THBS4: variants seen among roughly 807,000 people sequenced by gnomAD.
THBS4 encodes thrombospondin 4, also known as thrombospondin-4.
THBS4 carries 90 observed loss-of-function variants against 115.7 expected under a neutral mutation model. The observed-to-expected ratio is 0.78, with a 90% CI of 0.66 to 0.93. THBS4 has a LOEUF of 0.93. THBS4 is among the 40% of genes least tolerant of loss of function. The pLI, the probability that THBS4 is intolerant of heterozygous loss-of-function variation, is 0.00. For missense variants in THBS4, 1,087 were observed against 1,232.7 expected (o/e 0.88, Z 1.77); for synonymous variants, 460 against 479.3 (o/e 0.96, Z 0.53).
intron 3 of THBS4, among the ~76,000 whole-genome samples, chr5:80,056,440 G>T (rs956506108): frequency 1.3e-5 from 2 of 152,132 alleles, no homozygotes; most frequent in African/African-American, 4.8e-5. Context: ...AAATAAAAAA[G>T]AATGATTAGA....
intron 1 of THBS4, among the ~76,000 whole-genome samples, chr5:80,038,499 G>C (rs1561302824): frequency 1.3e-5 from 2 of 152,016 alleles, no homozygotes; most frequent in African/African-American, 4.8e-5. Flanking sequence ...TTAATTTATT[G>C]AACAAGTGCA....
chr5:80,049,835 T>A (rs1370123481), intron 2 of THBS4, among the ~76,000 whole-genome samples: 4 of 152,138 alleles, frequency 2.6e-5, no homozygotes, highest in Admixed American at 6.5e-5. Flanking sequence ...GAGGAGGCAA[T>A]AACGATCAGA....
rs1221793926 is a variant in THBS4, at chr5:80,070,418, G to T, written c.1452+8G>T. 2 of 1,613,374 alleles carry T rather than the reference G, an allele frequency of 1.2e-6. No homozygotes were observed. The highest frequency in any genetic ancestry group is 1.3e-5 in the African/African-American group (1 of 74,928). ...GCCAGGAACTGTAAAAAGGTAAGGG[G>T]TGTGGGGTGGCAGTAGGCACACATG... On this transcript the variant is annotated splice_region_variant and intron_variant, in intron 11 of 21. Coordinates refer to ENST00000350881, the MANE Select transcript of THBS4 (RefSeq NM_003248.6).
chr5:80,012,902 G>T (rs985245557), intron 2 of THBS4, among the ~76,000 whole-genome samples: 2 of 152,174 alleles, frequency 1.3e-5, no homozygotes, highest in African/African-American at 4.8e-5. Flanking sequence ...GTCACACGAG[G>T]TCCCACTTGG....
Position 80,035,988 on chromosome 5 carries a change from C to T in THBS4, c.88+363C>T. ...GTCCTGCACCCTGTGCCGGTTCCCT[C>T]CAGGCAGCCTTGCTCCCTAAATCCT... On this transcript the variant is annotated intron_variant, in intron 1 of 21. Coordinates refer to ENST00000350881, the MANE Select transcript of THBS4 (RefSeq NM_003248.6). The surrounding 1 kb of genome is among the most constrained non-coding windows in gnomAD (Gnocchi z 4.6). The T allele has an allele frequency of 9.8e-7, 1 of 1,021,896 alleles. No individual in the cohort carries two copies. Among genetic ancestry groups the T allele is most frequent in the Non-Finnish European group, 1.2e-6 (1 of 854,280 alleles). The allele number at this position is 1,021,896 out of a possible 1,614,324, so 63.3% of individuals were successfully genotyped here.
upstream of THBS4, among the ~76,000 whole-genome samples, chr5:80,030,630 G>A (rs1386898963): frequency 1.3e-5 from 2 of 152,222 alleles, no homozygotes; most frequent in East Asian, 3.9e-4. Flanking sequence ...GCCTCCCAAA[G>A]TGCTGAGATT....
chr5:80,024,186 A>G lies in THBS4; in HGVS notation n.178-15891A>G, dbSNP rs142713874. On this transcript the variant is annotated intron_variant and non_coding_transcript_variant, in intron 2 of 3. Transcript: ENST00000510218. The stretch of plus-strand genomic sequence containing the variant: ...CACTCACCTGAAAACAGGTCCCATT[A>G]GCATCTTCATCTTATGAATGACCAC... Among the ~76,000 whole-genome samples, 488 of 152,320 alleles carry G rather than the reference A, an allele frequency of 3.2e-3. 3 individuals are homozygous for G. Among genetic ancestry groups the G allele is most frequent in the Middle Eastern group, 0.01 (3 of 294 alleles).
intron 2 of THBS4, among the ~76,000 whole-genome samples, chr5:80,003,776 T>C (rs1371693807): frequency 6.6e-6 from 1 of 152,254 alleles, no homozygotes; most frequent in Non-Finnish European, 1.5e-5. Context: ...CTTATGTTAC[T>C]GTATAATTTA....
chr5:80,078,588 G>C (rs1743334943), intron 17 of THBS4, among the ~76,000 whole-genome samples: 2 of 152,296 alleles, frequency 1.3e-5, no homozygotes, highest in South Asian at 2.1e-4. Flanking sequence ...CAGGCACAGA[G>C]AGGCTTAGTA....
intron 2 of THBS4, among the ~76,000 whole-genome samples, chr5:80,017,072 T>C (rs1318406834): frequency 6.6e-6 from 1 of 152,180 alleles, no homozygotes. Context: ...AAATGTTAGA[T>C]GACAAAGATG....
chr5:80,061,487 C>T (rs1037072827), intron 7 of THBS4, among the ~76,000 whole-genome samples: 1 of 152,208 alleles, frequency 6.6e-6, no homozygotes, highest in Non-Finnish European at 1.5e-5. Context: ...CATTATTCTA[C>T]AGCACAGCAA....
chr5:80,049,967 C>T (rs1437053166), intron 2 of THBS4, among the ~76,000 whole-genome samples: 1 of 152,130 alleles, frequency 6.6e-6, no homozygotes, highest in Non-Finnish European at 1.5e-5. Flanking sequence ...TCAGAGACAC[C>T]GTTTGAGATC....
At chr5:80,059,594 C>T in intron 6 of THBS4, 103 bp downstream of exon 6, 1 of 1,589,396 alleles carries the variant, frequency 6.3e-7, no homozygotes, top group Non-Finnish European at 8.6e-7. Context: ...AGGTCTACCA[C>T]ATAGTTGGAG....
At chr5:80,068,229 A>C (rs557608030) in intron 10 of THBS4, 104 bp downstream of exon 10, 2 of 1,400,146 alleles carry the variant, frequency 1.4e-6, no homozygotes, top group African/African-American at 2.9e-5. Context: ...CCAAAATGAA[A>C]GCATTGCAAT....
intron 1 of THBS4, chr5:79,991,513 G>C (rs1001609404): frequency 2.9e-6 from 1 of 344,254 alleles, no homozygotes; most frequent in Non-Finnish European, 5.2e-6. Flanking sequence ...CATTAAATCT[G>C]TGTGATGCCT....
At chr5:80,047,147 G>C (rs1487181026) in intron 2 of THBS4, among the ~76,000 whole-genome samples, 2 of 152,192 alleles carry the variant, frequency 1.3e-5, no homozygotes, top group African/African-American at 4.8e-5. Context: ...ATGAATGAAT[G>C]AACAGATACT....
intron 20 of THBS4, chr5:80,082,077 G>A (rs2913544): frequency 8.3e-6 from 2 of 242,420 alleles, no homozygotes; most frequent in Non-Finnish European, 1.6e-5. Context: ...ACTCAAGATA[G>A]CAGGTTTGGT....
chr5:80,043,390 A>G (rs1832965332), intron 2 of THBS4, among the ~76,000 whole-genome samples: 1 of 152,202 alleles, frequency 6.6e-6, no homozygotes, highest in African/African-American at 2.4e-5. Flanking sequence ...CTGACTTGAC[A>G]TAATTCTCCC....
intron 1 of THBS4, among the ~76,000 whole-genome samples, chr5:79,996,078 A>C (rs1831787611): frequency 6.6e-6 from 1 of 152,146 alleles, no homozygotes; most frequent in Admixed American, 6.5e-5. Context: ...CAGAGGTTGC[A>C]GTGAGCTAAG....
Sources: allele counts gnomAD v4.1 joint callset (sites outside exome capture counted in the v4.1 genomes callset), GRCh38; gene constraint gnomAD v4.1.1; non-coding constraint Gnocchi (gnomAD v3.1); transcripts MANE v1.5; gene names NCBI Gene and HGNC (gene_info 2026-07-23, HGNC 2026-07-21).